PCDHGA2: variants seen among roughly 807,000 people sequenced by gnomAD.
The protein encoded by PCDHGA2 is protocadherin gamma-A2.
PCDHGA2 carries 40 observed loss-of-function variants against 59.2 expected under a neutral mutation model. That is an observed-to-expected ratio of 0.68 (90% CI 0.52 to 0.88). The LOEUF (loss-of-function observed/expected upper bound fraction) is 0.88, where lower values mean the gene tolerates loss of function less well. Ranked by LOEUF, PCDHGA2 falls within the 40% of genes least tolerant of loss-of-function variation. PCDHGA2 has a pLI of 0.00. For synonymous variants in PCDHGA2, 560 were observed against 526.0 expected (o/e 1.06, Z -0.89); for missense variants, 1,226 against 1,204.0 (o/e 1.02, Z -0.27).
intron 1 of PCDHGA2, among the ~76,000 whole-genome samples, chr5:141,437,829 C>T (rs2097913718): frequency 6.6e-6 from 1 of 151,986 alleles, no homozygotes; most frequent in Admixed American, 6.6e-5. Flanking sequence ...CCTCTGCCTC[C>T]TGGGTTCATG....
chr5:141,365,058 C>A lies in PCDHGA2; in HGVS notation c.2424+23663C>A, dbSNP rs769039827. On this transcript the variant is annotated intron_variant, in intron 1 of 3. Coordinates refer to ENST00000394576, the MANE Select transcript of PCDHGA2 (RefSeq NM_018915.4). Reference sequence around the variant, plus strand: ...GCAAACGACAATGCGCCCCTGTTCACCCCATCCGAGTACAGCGTGAGTGTT... The same window carrying A: ...GCAAACGACAATGCGCCCCTGTTCAACCCATCCGAGTACAGCGTGAGTGTT... The A allele has an allele frequency of 1.1e-5, 17 of 1,613,776 alleles. No homozygotes were observed. Among genetic ancestry groups the A allele is most frequent in the Non-Finnish European group, 1.4e-5 (17 of 1,179,912 alleles).
chr5:141,410,317 C>T lies in PCDHGA2; in HGVS notation c.2424+68922C>T, dbSNP rs527641698. ...CCTTAATCTCAGTGCTCTTCCTCCT[C>T]GCCGTGATTCTGGCCATTGCCTTGC... On this transcript the variant is annotated intron_variant, in intron 1 of 3. Coordinates refer to ENST00000394576, the MANE Select transcript of PCDHGA2 (RefSeq NM_018915.4). The T allele has an allele frequency of 2.7e-5, 43 of 1,614,010 alleles. No individual in the cohort carries two copies. In the East Asian group the frequency reaches 8.0e-4, roughly 30 times the overall value.
In PCDHGA2 at chr5:141,409,971, A is replaced by G. The variant is rs758876775; in HGVS notation, c.2424+68576A>G. On this transcript the variant is annotated intron_variant, in intron 1 of 3. Coordinates refer to ENST00000394576, the MANE Select transcript of PCDHGA2 (RefSeq NM_018915.4). ...GCAGAGCCCGGCTACCTAGTGACTAAGGTGGTAGCGGTGGACGCCGACTCG... is the reference window on the plus strand; with the variant it reads ...GCAGAGCCCGGCTACCTAGTGACTAGGGTGGTAGCGGTGGACGCCGACTCG... 2.9e-5 allele frequency: 47 copies of G among 1,613,202 alleles called. No homozygotes were observed. The highest frequency in any genetic ancestry group is 3.8e-5 in the Non-Finnish European group (45 of 1,179,806).
chr5:141,472,865 A>G (rs1329594490), intron 1 of PCDHGA2, among the ~76,000 whole-genome samples: 3 of 149,558 alleles, frequency 2.0e-5, no homozygotes, highest in Non-Finnish European at 4.5e-5. Flanking sequence ...ACATGCCTGT[A>G]TTCCCAGCTA....
chr5:141,399,443 G>A, intron 1 of PCDHGA2: 1 of 1,614,018 alleles, frequency 6.2e-7, no homozygotes, highest in Non-Finnish European at 8.5e-7. Flanking sequence ...CTACATATCA[G>A]AGACGTCAAC....
chr5:141,420,277 A>C, intron 1 of PCDHGA2: 1 of 1,518,166 alleles, frequency 6.6e-7, no homozygotes, highest in Non-Finnish European at 8.9e-7. Flanking sequence ...TTAAACAGGT[A>C]AGTATTTAAA....
At chr5:141,371,067 A>G (rs763857858) in intron 1 of PCDHGA2, 8 of 1,613,868 alleles carry the variant, frequency 5.0e-6, no homozygotes, top group Non-Finnish European at 6.8e-6. Flanking sequence ...CAGAAGCTGT[A>G]CCACCCAGAT....
At chr5:141,448,263 A>G (rs2098578874) in intron 1 of PCDHGA2, among the ~76,000 whole-genome samples, 1 of 152,088 alleles carries the variant, frequency 6.6e-6, no homozygotes, top group Non-Finnish European at 1.5e-5. Flanking sequence ...ATTTTACAGT[A>G]TATATACTGT....
chr5:141,432,991 C>G lies in PCDHGA2; in HGVS notation c.2425-61816C>G, dbSNP rs1269992849. ...CGGCGTCGCACTTTGTGGGCGTGGACGGGGTGCAGGCTTTCCTGCAGACCT... is the reference window on the plus strand; with the variant it reads ...CGGCGTCGCACTTTGTGGGCGTGGAGGGGGTGCAGGCTTTCCTGCAGACCT... On this transcript the variant is annotated intron_variant, in intron 1 of 3. Transcript: ENST00000394576. The surrounding 1 kb of genome is among the most constrained non-coding windows in gnomAD (Gnocchi z 6.0). The G allele has an allele frequency of 6.2e-7, 1 of 1,614,200 alleles. No homozygotes were observed. Among genetic ancestry groups the G allele is most frequent in the Admixed American group, 1.7e-5 (1 of 60,032 alleles).
At chr5:141,357,161 T>C in intron 1 of PCDHGA2, 1 of 1,613,630 alleles carries the variant, frequency 6.2e-7, no homozygotes, top group East Asian at 2.2e-5. Context: ...CAGCCCCCTC[T>C]CTCGGCCACC....
At chr5:141,430,652 A>G in intron 1 of PCDHGA2, 1 of 1,069,464 alleles carries the variant, frequency 9.4e-7, no homozygotes. Context: ...ATGTGGAAAC[A>G]ACGGAGGAGC....
At position 141,405,308 on chromosome 5, in the gene PCDHGA2, GA is replaced by G. The variant is rs776065617; in HGVS notation, c.2424+63914del. 15 of 1,614,096 alleles carry G rather than the reference GA, an allele frequency of 9.3e-6. No individual in the cohort carries two copies. The African/African-American group carries it at 1.9e-4, about 20-fold the overall frequency. On this transcript the variant is annotated intron_variant, in intron 1 of 3. Transcript: ENST00000394576. The stretch of plus-strand genomic sequence containing the variant: ...CACACTCATCAGCCAGCAGAGCTGT[GA>G]GAAAAATGAGCCTTTGTGCGTCTCT...
intron 1 of PCDHGA2, chr5:141,376,323 G>C: frequency 2.5e-6 from 4 of 1,614,162 alleles, no homozygotes; most frequent in Non-Finnish European, 3.4e-6. Flanking sequence ...GAAGGGGTTC[G>C]GGCTTTCCTG....
chr5:141,361,064 A>C, intron 1 of PCDHGA2: 1 of 1,613,918 alleles, frequency 6.2e-7, no homozygotes, highest in Non-Finnish European at 8.5e-7. Flanking sequence ...TTGGATTTTG[A>C]GATTGCAAGT....
rs149085110 is a variant in PCDHGA2 at position 141,340,807 on chromosome 5, C to A, written c.1836C>A (p.Ser612Arg). The change falls in exon 1 of 4, where the codon AGC (serine) becomes AGA (arginine). Residue 612 changes from serine to arginine, a missense_variant. Transcript: ENST00000394576. ...TGTCTTACCACCTGCTCAAGGCCAG[C>A]GAGCCGGGACTCTTCTCGGTGGGTC... ...AWLSYHLLKA[S>R]EPGLFSVGLH... The A allele has an allele frequency of 4.8e-5, 78 of 1,613,604 alleles. No homozygotes were observed. The highest frequency in any genetic ancestry group is 6.6e-5 in the Non-Finnish European group (78 of 1,179,992).
chr5:141,421,395 G>A (rs2096569109), intron 1 of PCDHGA2: 1 of 1,613,950 alleles, frequency 6.2e-7, no homozygotes, highest in Admixed American at 1.7e-5. Flanking sequence ...TGGGGCTGGA[G>A]CCCCGGGAGC....
At position 141,350,800 on chromosome 5, in the gene PCDHGA2, G is replaced by A. The variant is rs768629636; in HGVS notation, c.2424+9405G>A. 3.1e-6 allele frequency: 5 copies of A among 1,614,010 alleles called. No individual in the cohort carries two copies. In the East Asian group the frequency reaches 1.1e-4, roughly 36 times the overall value. On this transcript the variant is annotated intron_variant, in intron 1 of 3. Transcript: ENST00000394576. ...ATCAATACTTCTCTCTGTCAACGAA[G>A]GAAAGTCCTGATGGAAGTAAATATC... is the stretch of plus-strand genomic sequence containing the variant.
In PCDHGA2 at chr5:141,381,826, C is replaced by CTTTTTTTT. The variant is rs770630741; in HGVS notation, c.2424+40446_2424+40453dup. Among the ~76,000 whole-genome samples, 48 of 74,286 alleles carry CTTTTTTTT rather than the reference C, an allele frequency of 6.5e-4. 1 individual carries two copies. Among genetic ancestry groups the CTTTTTTTT allele is most frequent in the African/African-American group, 1.0e-3 (17 of 16,198 alleles). 48.7% of individuals were successfully genotyped at this position (74,286 alleles called of 152,430 possible). On this transcript the variant is annotated intron_variant, in intron 1 of 3. Coordinates refer to ENST00000394576, the MANE Select transcript of PCDHGA2 (RefSeq NM_018915.4). Reference sequence around the variant, plus strand: ...TTTCTTTCTTTCTTTCTTTCTTCTTCTTTTTTTTTTTTTTTTTTTTTTGGC... The same window carrying CTTTTTTTT: ...TTTCTTTCTTTCTTTCTTTCTTCTTCTTTTTTTTTTTTTTTTTTTTTTTTTTTTTTGGC...
chr5:141,423,880 G>C, intron 1 of PCDHGA2: 1 of 1,282,292 alleles, frequency 7.8e-7, no homozygotes, highest in Non-Finnish European at 9.9e-7. Context: ...TTTCAATCTT[G>C]GCATATTTTC....
Sources: gnomAD v4.1 joint callset for allele counts (sites outside exome capture counted in the v4.1 genomes callset) on GRCh38, gnomAD v4.1.1 for gene constraint, Gnocchi (gnomAD v3.1) non-coding constraint, MANE v1.5 for transcripts, NCBI Gene and HGNC (gene_info 2026-07-23, HGNC 2026-07-21) for gene names.